Variants in GABRB3 observed in about 807,000 individuals in gnomAD.
GABRB3 encodes the protein gamma-aminobutyric acid type A receptor subunit beta3, also known as gamma-aminobutyric acid receptor subunit beta-3.
GABRB3 carries 14 observed loss-of-function variants against 52.1 expected under a neutral mutation model. The observed-to-expected ratio is 0.27, with a 90% CI of 0.18 to 0.42. The LOEUF is 0.42. GABRB3 is among the 10% of genes least tolerant of loss of function. The probability of loss-of-function intolerance (pLI) is 1.00; values close to 1 mark genes in which losing one functional copy is unlikely to be tolerated. For missense variants in GABRB3, 307 were observed against 609.1 expected (o/e 0.50, Z 5.22); for synonymous variants, 260 against 232.3 (o/e 1.12, Z -1.08).
At position 26,709,590 on chromosome 15, in the gene GABRB3, T is replaced by C. The variant is rs138275572; in HGVS notation, c.240+62812A>G. 7.5e-3 allele frequency among the ~76,000 whole-genome samples: 1,021 copies of C among 136,952 alleles called. 8 individuals are homozygous for C. Among genetic ancestry groups the C allele is most frequent in the African/African-American group, 0.026 (967 of 37,652 alleles). The allele number at this position is 136,952 out of a possible 152,430, so 89.8% of individuals were successfully genotyped here. A position where few individuals can be genotyped will look rare whatever the true frequency, so the allele number is the denominator to read the frequency against. The stretch of plus-strand genomic sequence containing the variant: ...TGGAGTGCAGTGGCGCCATCTCAGC[T>C]CACTGCAAGCTCTGCCTCCTGGGTT... On this transcript the variant is annotated intron_variant, in intron 3 of 8. Coordinates refer to ENST00000311550, the MANE Select transcript of GABRB3 (RefSeq NM_000814.6).
intron 3 of GABRB3, among the ~76,000 whole-genome samples, chr15:26,713,014 C>T (rs1028261100): frequency 7.2e-5 from 11 of 152,316 alleles, no homozygotes; most frequent in African/African-American, 2.4e-4. Context: ...AAGCAGCATG[C>T]CACCATGGGG....
intron 3 of GABRB3, among the ~76,000 whole-genome samples, chr15:26,755,843 CAAAGATA>C (rs1271653064): frequency 1.3e-5 from 2 of 152,136 alleles, no homozygotes; most frequent in East Asian, 3.8e-4. Flanking sequence ...AACTTAGGCA[CAAAGATA>C]TTCATCAAAA....
intron 7 of GABRB3, among the ~76,000 whole-genome samples, chr15:26,564,656 C>T (rs770480741): frequency 5.9e-5 from 9 of 152,190 alleles, no homozygotes; most frequent in Non-Finnish European, 8.8e-5. Flanking sequence ...CATTTCAAAG[C>T]TGTGCTATAA....
At chr15:26,737,522 G>C (rs574339641) in intron 3 of GABRB3, among the ~76,000 whole-genome samples, 1 of 152,220 alleles carries the variant, frequency 6.6e-6, no homozygotes, top group South Asian at 2.1e-4. Flanking sequence ...GTAGAAGATA[G>C]AACATTTGAA....
chr15:26,645,983 AT>A (rs1893337661), intron 3 of GABRB3, among the ~76,000 whole-genome samples: 2 of 152,158 alleles, frequency 1.3e-5, no homozygotes, highest in Non-Finnish European at 2.9e-5. Flanking sequence ...AAAAAAAACA[AT>A]ATATGAAAAA....
intron 3 of GABRB3, among the ~76,000 whole-genome samples, chr15:26,633,902 G>C (rs1037118768): frequency 5.3e-5 from 8 of 152,204 alleles, no homozygotes; most frequent in Non-Finnish European, 1.2e-4. Context: ...AGCGTTAGCC[G>C]TCTCTTGGCC....
intron 6 of GABRB3, among the ~76,000 whole-genome samples, chr15:26,570,062 T>G (rs1231454471): frequency 6.6e-6 from 1 of 152,190 alleles, no homozygotes; most frequent in Non-Finnish European, 1.5e-5. Context: ...TGGCTTTGAG[T>G]GGAGGACACA....
chr15:26,596,616 T>C (rs1474517799), intron 4 of GABRB3, among the ~76,000 whole-genome samples: 1 of 152,126 alleles, frequency 6.6e-6, no homozygotes, highest in African/African-American at 2.4e-5. Flanking sequence ...CTTTCAGGTA[T>C]AGAAATTTCC....
At chr15:26,715,026 A>G (rs544882917) in intron 3 of GABRB3, among the ~76,000 whole-genome samples, 1 of 152,280 alleles carries the variant, frequency 6.6e-6, no homozygotes, top group Non-Finnish European at 1.5e-5. Flanking sequence ...TAGGCACAAA[A>G]AACAAGGTGC....
At chr15:26,762,525 A>G (rs1890847974) in intron 3 of GABRB3, among the ~76,000 whole-genome samples, 3 of 151,606 alleles carry the variant, frequency 2.0e-5, no homozygotes, top group Admixed American at 2.0e-4. Context: ...CTTCACAAAG[A>G]AAAAAAAATT....
Position 26,772,989 on chromosome 15 carries a change from A to G in GABRB3, c.-27T>C. ...CCTCCGCCGCGCCCCGGCACGGGGG[A>G]GGGGGCGCCCCGCCGCCGTCGCGAC... On this transcript the variant is annotated 5_prime_UTR_variant, in exon 1 of 9. Transcript: ENST00000311550. The G allele has an allele frequency of 1.5e-6, 2 of 1,358,200 alleles. No homozygotes were observed. The highest frequency in any genetic ancestry group is 9.6e-7 in the Non-Finnish European group (1 of 1,045,844). The allele number at this position is 1,358,200 out of a possible 1,614,324, so 84.1% of individuals were successfully genotyped here.
At chr15:26,593,752 T>A (rs901094681) in intron 4 of GABRB3, among the ~76,000 whole-genome samples, 4 of 152,090 alleles carry the variant, frequency 2.6e-5, no homozygotes, top group African/African-American at 9.7e-5. Flanking sequence ...ACCTTTTGGC[T>A]ACTATGAATA....
chr15:26,682,338 A>AT (rs1888265383), intron 3 of GABRB3, among the ~76,000 whole-genome samples: 1 of 152,096 alleles, frequency 6.6e-6, no homozygotes, highest in African/African-American at 2.4e-5. Flanking sequence ...CTGAAGGAAA[A>AT]TGCCCGGGCG....
intron 8 of GABRB3, among the ~76,000 whole-genome samples, chr15:26,556,231 C>A (rs1889745252): frequency 6.6e-6 from 1 of 152,166 alleles, no homozygotes; most frequent in African/African-American, 2.4e-5. Flanking sequence ...CATTCAACGA[C>A]TAAAAACATC....
chr15:26,717,406 T>C (rs531861269), intron 3 of GABRB3, among the ~76,000 whole-genome samples: 2 of 152,344 alleles, frequency 1.3e-5, no homozygotes, highest in South Asian at 2.1e-4. Context: ...GCTCTCCAGC[T>C]CTGAAGCTCC....
At chr15:26,697,463 G>C (rs1413070116) in intron 3 of GABRB3, among the ~76,000 whole-genome samples, 1 of 152,108 alleles carries the variant, frequency 6.6e-6, no homozygotes, top group African/African-American at 2.4e-5. Flanking sequence ...CCAAGGGTAA[G>C]CCTCCTACCC....
At chr15:26,686,199 C>T (rs7172530) in intron 3 of GABRB3, among the ~76,000 whole-genome samples, 1 of 152,114 alleles carries the variant, frequency 6.6e-6, no homozygotes, top group African/African-American at 2.4e-5. Flanking sequence ...CCTGCCTCCA[C>T]CTCTCAAGTT....
chr15:26,565,680 T>C (rs1397489151), intron 7 of GABRB3, among the ~76,000 whole-genome samples: 1 of 152,232 alleles, frequency 6.6e-6, no homozygotes, highest in Non-Finnish European at 1.5e-5. Context: ...GGCAATACTT[T>C]ACAATTAGGG....
intron 8 of GABRB3, among the ~76,000 whole-genome samples, chr15:26,554,176 GTA>G (rs71130258): frequency 7.3e-5 from 2 of 27,330 alleles, no homozygotes; most frequent in South Asian, 1.6e-3. Context: ...TATATATAAA[GTA>G]TATATATATA....
Sources: gnomAD v4.1 joint callset for allele counts (sites outside exome capture counted in the v4.1 genomes callset) on GRCh38, gnomAD v4.1.1 for gene constraint, MANE v1.5 for transcripts, NCBI Gene and HGNC (gene_info 2026-07-23, HGNC 2026-07-21) for gene names.